Variants in NRXN3 observed in about 807,000 individuals in gnomAD.
NRXN3 encodes the protein neurexin 3, also known as neurexin III.
NRXN3 carries 32 observed loss-of-function variants against 137.6 expected under a neutral mutation model. That is an observed-to-expected ratio of 0.23 (90% CI 0.18 to 0.31). The LOEUF (loss-of-function observed/expected upper bound fraction) is 0.31, where lower values mean the gene tolerates loss of function less well. NRXN3 is among the 10% of genes least tolerant of loss of function. NRXN3 has a pLI of 1.00. For synonymous variants in NRXN3, 798 were observed against 784.5 expected (o/e 1.02, Z -0.29); for missense variants, 1,574 against 2,062.5 (o/e 0.76, Z 4.59).
At chr14:78,809,759 G>A (rs561218547) in intron 9 of NRXN3, among the ~76,000 whole-genome samples, 1 of 152,192 alleles carries the variant, frequency 6.6e-6, no homozygotes, top group Non-Finnish European at 1.5e-5. Context: ...AAGAGAAAGG[G>A]TTAAGTACGT....
chr14:79,625,606 T>C (rs553757109), intron 16 of NRXN3, among the ~76,000 whole-genome samples: 30 of 152,298 alleles, frequency 2.0e-4, no homozygotes, highest in African/African-American at 7.0e-4. Context: ...CACTCTATAT[T>C]TTATTTCCCA....
intron 4 of NRXN3, among the ~76,000 whole-genome samples, chr14:78,477,882 TG>T (rs1175161625): frequency 1.3e-5 from 2 of 151,070 alleles, no homozygotes; most frequent in Non-Finnish European, 2.9e-5. Context: ...AACAGGCTTA[TG>T]TCTCTCTCTG....
chr14:78,700,989 C>T (rs541466266), intron 6 of NRXN3, among the ~76,000 whole-genome samples: 2 of 152,104 alleles, frequency 1.3e-5, no homozygotes, highest in Non-Finnish European at 2.9e-5. Context: ...CCAGCCTGGT[C>T]TTGAACTCCT....
chr14:78,485,091 C>T (rs950394296), intron 4 of NRXN3, among the ~76,000 whole-genome samples: 1 of 152,156 alleles, frequency 6.6e-6, no homozygotes, highest in Non-Finnish European at 1.5e-5. Context: ...CTCAAGGCTA[C>T]AGTATTATAG....
chr14:78,273,193 A>C (rs1331514883), intron 2 of NRXN3, among the ~76,000 whole-genome samples: 1 of 152,214 alleles, frequency 6.6e-6, no homozygotes, highest in Non-Finnish European at 1.5e-5. Context: ...GGTAATTGAC[A>C]GAAAGGGGAA....
At chr14:79,360,572 G>A (rs561166282) in intron 15 of NRXN3, among the ~76,000 whole-genome samples, 1 of 152,318 alleles carries the variant, frequency 6.6e-6, no homozygotes, top group South Asian at 2.1e-4. Context: ...GCTGAAAGAT[G>A]AATGCTCAGT....
chr14:79,519,540 C>T (rs1020932577), intron 16 of NRXN3, among the ~76,000 whole-genome samples: 12 of 151,640 alleles, frequency 7.9e-5, no homozygotes, highest in African/African-American at 2.9e-4. Context: ...TATGTAAGAC[C>T]AAAGATTTCC....
chr14:78,952,750 A>G (rs17108387), intron 10 of NRXN3, among the ~76,000 whole-genome samples: 2 of 152,278 alleles, frequency 1.3e-5, no homozygotes, highest in Admixed American at 1.3e-4. Flanking sequence ...CATGTGAAAC[A>G]TAGTTTGAAG....
chr14:78,233,466 T>C (rs8009291), intron 1 of NRXN3, among the ~76,000 whole-genome samples: 137,062 of 152,142 alleles, frequency 0.9, 61,993 homozygotes, highest in African/African-American at 0.97. Context: ...TTGTATTGTA[T>C]TCCATGTATA....
intron 15 of NRXN3, among the ~76,000 whole-genome samples, chr14:79,423,187 A>G (rs1176890087): frequency 1.3e-5 from 2 of 152,182 alleles, no homozygotes; most frequent in South Asian, 2.1e-4. Flanking sequence ...CCTTCATCCA[A>G]TTTAATGCTC....
At position 78,373,896 on chromosome 14, in the gene NRXN3, TAACTTGA is replaced by T. The variant is rs1239756639; in HGVS notation, c.757+76037_757+76043del. On this transcript the variant is annotated intron_variant, in intron 4 of 20. Coordinates refer to ENST00000335750, the MANE Select transcript of NRXN3 (RefSeq NM_001330195.2). The stretch of plus-strand genomic sequence containing the variant: ...TTAGCTTGCATCTGAAGGAGTCTGC[TAACTTGA>T]GCTACCAGAATAATATTTGCCATAT... Among the ~76,000 whole-genome samples, 10 of 152,252 alleles carry T rather than the reference TAACTTGA, an allele frequency of 6.6e-5. No homozygotes were observed. The East Asian group carries it at 1.5e-3, about 23-fold the overall frequency.
chr14:79,700,948 G>A (rs371413575), intron 19 of NRXN3, among the ~76,000 whole-genome samples: 1 of 152,106 alleles, frequency 6.6e-6, no homozygotes, highest in East Asian at 1.9e-4. Context: ...GAAAGCAGGT[G>A]TGTGAGTGAT....
chr14:78,217,342 A>G (rs2153420449), intron 1 of NRXN3, among the ~76,000 whole-genome samples: 1 of 152,294 alleles, frequency 6.6e-6, no homozygotes, highest in Non-Finnish European at 1.5e-5. Context: ...TCTCACTTAC[A>G]TTATCTTCTC....
chr14:78,325,987 C>T (rs2080032092), intron 4 of NRXN3, among the ~76,000 whole-genome samples: 1 of 152,180 alleles, frequency 6.6e-6, no homozygotes, highest in Admixed American at 6.5e-5. Flanking sequence ...ACTTTTAGCA[C>T]TGAAAGCCCC....
chr14:78,722,115 T>C (rs577598380), intron 8 of NRXN3, among the ~76,000 whole-genome samples: 59 of 152,296 alleles, frequency 3.9e-4, no homozygotes, highest in Admixed American at 2.8e-3. Context: ...AGTATCAGGA[T>C]TGTAGATTCC....
chr14:79,755,656 C>T (rs76718605), intron 19 of NRXN3, among the ~76,000 whole-genome samples: 6 of 151,904 alleles, frequency 3.9e-5, no homozygotes, highest in South Asian at 2.1e-4. Flanking sequence ...CATAGAGAGA[C>T]AAACTGCAGC....
intron 10 of NRXN3, among the ~76,000 whole-genome samples, chr14:78,866,900 C>T (rs1341105319): frequency 2.7e-5 from 4 of 148,540 alleles, no homozygotes; most frequent in East Asian, 2.0e-4. Flanking sequence ...CAGGTTCAAG[C>T]GATTCTCCTG....
At chr14:79,622,393 A>G (rs1292539723) in intron 16 of NRXN3, among the ~76,000 whole-genome samples, 2 of 152,200 alleles carry the variant, frequency 1.3e-5, no homozygotes, top group Non-Finnish European at 2.9e-5. Context: ...GTCACTTGCT[A>G]ACTGCATGGC....
At chr14:79,409,281 CAGG>C (rs1399377915) in intron 15 of NRXN3, among the ~76,000 whole-genome samples, 4 of 151,712 alleles carry the variant, frequency 2.6e-5, no homozygotes, top group East Asian at 1.9e-4. Flanking sequence ...ATCAACAAAA[CAGG>C]AGCTCAGGGT....
Sources: gnomAD v4.1 joint callset for allele counts (sites outside exome capture counted in the v4.1 genomes callset) on GRCh38, gnomAD v4.1.1 for gene constraint, MANE v1.5 for transcripts, NCBI Gene and HGNC (gene_info 2026-07-23, HGNC 2026-07-21) for gene names.